Variants in DMD observed in about 807,000 individuals in gnomAD.
The protein encoded by DMD is mutant dystrophin.
DMD carries 63 observed loss-of-function variants against 330.1 expected under a neutral mutation model. The ratio of observed to expected loss-of-function variants is 0.19; its 90% CI spans 0.16 to 0.24. The LOEUF (loss-of-function observed/expected upper bound fraction) is 0.24. Among genes scored for constraint, DMD ranks in the 10% least tolerant of loss-of-function variants. The pLI is 1.00. For missense variants in DMD, 3,344 were observed against 2,684.1 expected (o/e 1.25, Z -5.43); for synonymous variants, 1,223 against 959.8 (o/e 1.27, Z -5.07).
At chrX:32,929,975 C>A (rs2089444210) in intron 2 of DMD, among the ~76,000 whole-genome samples, 1 of 111,408 alleles carries the variant, frequency 9.0e-6, no homozygotes, top group African/African-American at 3.3e-5. Context: ...ATGGGCATTT[C>A]AACTTACAAT....
At chrX:32,042,528 C>T (rs1209067324) in intron 44 of DMD, among the ~76,000 whole-genome samples, 1 of 111,287 alleles carries the variant, frequency 9.0e-6, no homozygotes, top group African/African-American at 3.3e-5. Flanking sequence ...CCTGGTCTCT[C>T]CCTTGACACA....
At chrX:33,184,214 ATTATTCT>A (rs950207787) in intron 1 of DMD, among the ~76,000 whole-genome samples, 29 of 112,179 alleles carry the variant, frequency 2.6e-4, no homozygotes, top group Non-Finnish European at 5.3e-4. Flanking sequence ...AGTGGAATAA[ATTATTCT>A]ACATTAGATT....
At chrX:32,990,565 G>A (rs1402990016) in intron 2 of DMD, among the ~76,000 whole-genome samples, 1 of 111,910 alleles carries the variant, frequency 8.9e-6, no homozygotes, top group Non-Finnish European at 1.9e-5. Flanking sequence ...AGAACTTGTA[G>A]ATTCTATGCT....
At chrX:32,910,338 T>C (rs780099512) in intron 2 of DMD, among the ~76,000 whole-genome samples, 2 of 112,045 alleles carry the variant, frequency 1.8e-5, no homozygotes, top group Non-Finnish European at 3.8e-5. Context: ...ATTTTCTTGA[T>C]GATTTAGGGT....
intron 29 of DMD, among the ~76,000 whole-genome samples, chrX:32,432,882 G>T (rs773575729): frequency 2.7e-5 from 3 of 111,939 alleles, no homozygotes; most frequent in Non-Finnish European, 1.9e-5. Flanking sequence ...AAATTAATAC[G>T]GCCCTCTCTG....
At position 32,841,851 on chromosome X, in the gene DMD, G is replaced by T. The variant is rs780356578; in HGVS notation, c.264+2932C>A. Among the ~76,000 whole-genome samples, 4 of 111,816 alleles carry T rather than the reference G, an allele frequency of 3.6e-5. No individual in the cohort carries two copies. The Admixed American group carries it at 3.8e-4, about 11-fold the overall frequency. On this transcript the variant is annotated intron_variant, in intron 4 of 78. Transcript: ENST00000357033. Reference sequence around the variant, plus strand: ...AAAGAATAAACTATATCCAAGTGGAGAACTTGTTTTTATTAATATTAACCA... The same window carrying T: ...AAAGAATAAACTATATCCAAGTGGATAACTTGTTTTTATTAATATTAACCA...
chrX:32,281,461 G>C (rs1450576979), intron 43 of DMD, among the ~76,000 whole-genome samples: 2 of 111,767 alleles, frequency 1.8e-5, no homozygotes, highest in Non-Finnish European at 3.8e-5. Context: ...CATTCACACA[G>C]AAATGTGTAC....
intron 13 of DMD, among the ~76,000 whole-genome samples, chrX:32,591,378 G>C (rs1398358478): frequency 9.0e-6 from 1 of 111,365 alleles, no homozygotes; most frequent in African/African-American, 3.3e-5. Flanking sequence ...CTTTTTCTTT[G>C]GAAGACATTT....
chrX:32,859,907 G>T (rs988313858), intron 2 of DMD, among the ~76,000 whole-genome samples: 1 of 111,055 alleles, frequency 9.0e-6, no homozygotes, highest in Non-Finnish European at 1.9e-5. Flanking sequence ...TCCTCCTTGG[G>T]CCAGGCGACC....
At chrX:32,917,050 G>A (rs111428424) in intron 2 of DMD, among the ~76,000 whole-genome samples, 1 of 110,220 alleles carries the variant, frequency 9.1e-6, no homozygotes, top group East Asian at 2.9e-4. Context: ...TGTGTCAGGG[G>A]AGGGACCTGG....
At chrX:32,600,573 G>T (rs971349511) in intron 12 of DMD, among the ~76,000 whole-genome samples, 7 of 84,973 alleles carry the variant, frequency 8.2e-5, no homozygotes, top group African/African-American at 3.7e-4. Context: ...GTACTTGCAG[G>T]TCACACACAC....
At position 31,413,116 on chromosome X, in the gene DMD, A is replaced by G. The variant is rs141718043; in HGVS notation, c.9084+31365T>C. Among the ~76,000 whole-genome samples the G allele has an allele frequency of 9.8e-5, 11 of 112,447 alleles. No homozygotes were observed. The East Asian group carries it at 2.5e-3, about 26-fold the overall frequency. On this transcript the variant is annotated intron_variant, in intron 60 of 78. Transcript: ENST00000357033. ...AGTGTTCTCATCATACGTGATGCTCATAAGTCAATATGACTGCAGATGTGG... is the reference window on the plus strand; with the variant it reads ...AGTGTTCTCATCATACGTGATGCTCGTAAGTCAATATGACTGCAGATGTGG...
Position 31,453,550 on chromosome X carries a change from G to A in DMD, c.8938-8923C>T, listed in dbSNP as rs189633868. Among the ~76,000 whole-genome samples, 323 of 109,873 alleles carry A rather than the reference G, an allele frequency of 2.9e-3. 1 individual carries two copies. The highest frequency in any genetic ancestry group is 9.9e-3 in the African/African-American group (300 of 30,151). On this transcript the variant is annotated intron_variant, in intron 59 of 78. Transcript: ENST00000357033. ...ATGGTGGTGATGGCAGCAGAACAAC[G>A]TAAATGTATGTAATGCCATGGAAGT...
rs145842581 is a variant in DMD, at chrX:32,243,955, CTTT to C, written c.6291-26895_6291-26893del. Among the ~76,000 whole-genome samples, 4 of 101,573 alleles carry C rather than the reference CTTT, an allele frequency of 3.9e-5. No homozygotes were observed. In the East Asian group the frequency reaches 1.3e-3, roughly 32 times the overall value. The allele number at this position is 101,573 out of a possible 115,157, so 88.2% of individuals were successfully genotyped here. On this transcript the variant is annotated intron_variant, in intron 43 of 78. Coordinates refer to ENST00000357033, the MANE Select transcript of DMD (RefSeq NM_004006.3). The stretch of plus-strand genomic sequence containing the variant: ...TGAAAATTCTAACAAGAGGAACGAA[CTTT>C]TTTTTTTTTATTATACTTTAAGTTT...
chrX:32,583,395 A>T (rs891317199), intron 13 of DMD, among the ~76,000 whole-genome samples: 2 of 111,517 alleles, frequency 1.8e-5, no homozygotes, highest in Non-Finnish European at 3.8e-5. Context: ...GCTATTCAGG[A>T]GGTTGAGGCA....
Position 32,550,044 on chromosome X carries a change from T to G in DMD, c.1993-4710A>C, listed in dbSNP as rs2049373125. Among the ~76,000 whole-genome samples, 4 of 112,008 alleles carry G rather than the reference T, an allele frequency of 3.6e-5. No individual in the cohort carries two copies. The South Asian group carries it at 1.5e-3, about 41-fold the overall frequency. On this transcript the variant is annotated intron_variant, in intron 16 of 78. Coordinates refer to ENST00000357033, the MANE Select transcript of DMD (RefSeq NM_004006.3). Reference sequence around the variant, plus strand: ...CAATTTTGTCCTTGTACGAACGCCGTGGAGTGTACTTACACAAACCTAGAT... The same window carrying G: ...CAATTTTGTCCTTGTACGAACGCCGGGGAGTGTACTTACACAAACCTAGAT...
At chrX:32,490,171 T>C (rs1242716865) in intron 20 of DMD, among the ~76,000 whole-genome samples, 1 of 111,774 alleles carries the variant, frequency 8.9e-6, no homozygotes, top group Non-Finnish European at 1.9e-5. Flanking sequence ...CATTCTTTTT[T>C]ACAGTATGCA....
At chrX:32,925,547 G>A (rs1026219428) in intron 2 of DMD, among the ~76,000 whole-genome samples, 4 of 111,068 alleles carry the variant, frequency 3.6e-5, no homozygotes, top group Non-Finnish European at 7.5e-5. Flanking sequence ...ACATGAAACT[G>A]TCACCAAACT....
At position 31,287,433 on chromosome X, in the gene DMD, A is replaced by G. The variant is rs759900158; in HGVS notation, c.9225-26417T>C. Reference sequence around the variant, plus strand: ...AACTGGCAGCAGGCACTTTGTATAAATACCAAAAGTAGCACGCGTTAGCAC... The same window carrying G: ...AACTGGCAGCAGGCACTTTGTATAAGTACCAAAAGTAGCACGCGTTAGCAC... On this transcript the variant is annotated intron_variant, in intron 62 of 78. Transcript: ENST00000357033. Among the ~76,000 whole-genome samples, 351 of 112,687 alleles carry G rather than the reference A, an allele frequency of 3.1e-3. 1 individual carries two copies. The highest frequency in any genetic ancestry group is 5.0e-3 in the Non-Finnish European group (269 of 53,322).
Sources: gnomAD v4.1 joint callset for allele counts (sites outside exome capture counted in the v4.1 genomes callset) on GRCh38, gnomAD v4.1.1 for gene constraint, MANE v1.5 for transcripts, NCBI Gene and HGNC (gene_info 2026-07-23, HGNC 2026-07-21) for gene names.